Variants in SAMHD1 observed in about 807,000 individuals in gnomAD.
SAMHD1 encodes SAM and HD domain containing deoxynucleoside triphosphate triphosphohydrolase 1, also known as deoxynucleoside triphosphate triphosphohydrolase SAMHD1.
In SAMHD1, 54 loss-of-function variants were observed where a neutral mutation model predicts 79.6. That is an observed-to-expected ratio of 0.68 (90% CI 0.55 to 0.85). SAMHD1 has a LOEUF of 0.85. Among genes scored for constraint, SAMHD1 ranks in the 40% least tolerant of loss-of-function variants. SAMHD1 has a pLI of 0.00. For missense variants in SAMHD1, 663 were observed against 782.7 expected (o/e 0.85, Z 1.82); for synonymous variants, 260 against 264.1 (o/e 0.98, Z 0.15).
Position 36,911,285 on chromosome 20 carries a change from A to T in SAMHD1, c.1203T>A (p.Gly401=), listed in dbSNP as rs1391838600. 1 of 1,613,006 alleles carries T rather than the reference A, an allele frequency of 6.2e-7. No individual in the cohort carries two copies. Among genetic ancestry groups the T allele is most frequent in the Non-Finnish European group, 8.5e-7 (1 of 1,179,952 alleles). ...LKADDYIEIT[G]AGGKKYRIST... is the part of the protein sequence containing the mutation. ...AAATGCGATACTTTTTTCCTCCAGC[A>T]CCTGTAATCTCTATGTAGTCATCTG... The change falls in exon 11 of 16, where the codon GGT becomes GGA. Residue 401 remains glycine, a synonymous_variant. Transcript: ENST00000646673.
intron 1 of SAMHD1, among the ~76,000 whole-genome samples, chr20:36,950,044 T>C (rs2063723242): frequency 6.6e-6 from 1 of 151,996 alleles, no homozygotes; most frequent in Admixed American, 6.6e-5. Context: ...CGAATAAAGT[T>C]TGGTCAAGAC....
At chr20:36,896,458 C>T (rs1990199751) in intron 15 of SAMHD1, among the ~76,000 whole-genome samples, 1 of 152,106 alleles carries the variant, frequency 6.6e-6, no homozygotes, top group Admixed American at 6.6e-5. Context: ...CCCCACTGTA[C>T]AGAGAAAAAA....
At position 36,951,622 on chromosome 20, in the gene SAMHD1, G is replaced by A; in HGVS notation, c.22C>T (p.Gln8Ter). The change falls in exon 1 of 16, where the codon CAG (glutamine) becomes TAG (stop). Residue 8 changes from glutamine to a stop codon, truncating the protein, a stop_gained. Transcript: ENST00000646673. LOFTEE classifies it high-confidence loss of function. MQRADSE[Q>*]PSKRPRCDDS... ...TCGCAACGGGGACGCTTGGAGGGCT[G>A]CTCGGAATCGGCTCGCTGCATGGCT... 6.2e-7 allele frequency: 1 copy of A among 1,613,924 alleles called. No individual in the cohort carries two copies. The highest frequency in any genetic ancestry group is 1.1e-5 in the South Asian group (1 of 91,082).
In SAMHD1 at chr20:36,900,372, A is replaced by G. The variant is rs1470489812; in HGVS notation, c.1504-1828T>C. ...GTGATTCTCCTGCCTCAGCCTCCTA[A>G]GTAGCTGGGATTACAGGTATGCACC... On this transcript the variant is annotated intron_variant, in intron 13 of 15. Coordinates refer to ENST00000646673, the MANE Select transcript of SAMHD1 (RefSeq NM_015474.4). 1.3e-5 allele frequency among the ~76,000 whole-genome samples: 2 copies of G among 150,510 alleles called. 1 individual carries two copies. The highest frequency in any genetic ancestry group is 1.3e-4 in the Admixed American group (2 of 15,016).
intron 11 of SAMHD1, among the ~76,000 whole-genome samples, chr20:36,907,932 G>A (rs1405147344): frequency 3.3e-5 from 5 of 150,936 alleles, no homozygotes; most frequent in South Asian, 2.1e-4. Context: ...CTGGAATACA[G>A]TGATGCCATC....
In SAMHD1 at chr20:36,944,094, AAAAG is replaced by A. The variant is rs1293236480; in HGVS notation, c.275+2640_275+2643del. Among the ~76,000 whole-genome samples, 50 of 122,852 alleles carry A rather than the reference AAAAG, an allele frequency of 4.1e-4. 1 individual carries two copies. Among genetic ancestry groups the A allele is most frequent in the Non-Finnish European group, 7.1e-4 (37 of 51,802 alleles). The allele number at this position is 122,852 out of a possible 152,430, so 80.6% of individuals were successfully genotyped here. On this transcript the variant is annotated intron_variant, in intron 2 of 15. Coordinates refer to ENST00000646673, the MANE Select transcript of SAMHD1 (RefSeq NM_015474.4). ...CTCCATCTCAAAAAAAAAAAAAAAA[AAAAG>A]AACTTTGGGAGGCCTGAGGCGGGCA...
chr20:36,903,425 T>C (rs75729091), intron 13 of SAMHD1, among the ~76,000 whole-genome samples: 14 of 148,990 alleles, frequency 9.4e-5, no homozygotes, highest in Non-Finnish European at 1.9e-4. Context: ...TTTTTAGTAG[T>C]GATGGGGGTT....
intron 4 of SAMHD1, among the ~76,000 whole-genome samples, chr20:36,933,549 G>T (rs975394902): frequency 2.0e-5 from 3 of 152,034 alleles, no homozygotes; most frequent in Non-Finnish European, 4.4e-5. Context: ...CCAGGCTGGA[G>T]TGCAATGGTG....
rs544960593 is a variant in SAMHD1 at position 36,897,609 on chromosome 20, T to C, written c.1746+213A>G. 1.5e-4 allele frequency: 89 copies of C among 611,390 alleles called. 1 individual carries two copies. The East Asian group carries it at 2.3e-3, about 16-fold the overall frequency. 37.9% of individuals were successfully genotyped at this position (611,390 alleles called of 1,614,324 possible). A position where few individuals can be genotyped will look rare whatever the true frequency, so the allele number is the denominator to read the frequency against. ...ATTTTTATTATTAGGACAATAATGCTAAACAGTATCCATTCCCAACTCCTG... is the reference window on the plus strand; with the variant it reads ...ATTTTTATTATTAGGACAATAATGCCAAACAGTATCCATTCCCAACTCCTG... On this transcript the variant is annotated intron_variant, in intron 15 of 15. Coordinates refer to ENST00000646673, the MANE Select transcript of SAMHD1 (RefSeq NM_015474.4).
At chr20:36,931,031 C>A (rs2063565184) in intron 4 of SAMHD1, 156 bp from the exon 5 acceptor site, 2 of 666,462 alleles carry the variant, frequency 3.0e-6, no homozygotes, top group Non-Finnish European at 5.5e-6. Context: ...GGAACACACA[C>A]AAACGGAATC....
intron 6 of SAMHD1, chr20:36,926,810 C>T: frequency 5.9e-6 from 1 of 170,080 alleles, no homozygotes; most frequent in Non-Finnish European, 1.3e-5. Context: ...GTGGTCATAC[C>T]AAATGTGTCA....
intron 3 of SAMHD1, among the ~76,000 whole-genome samples, chr20:36,938,872 C>A (rs1239310380): frequency 2.0e-5 from 3 of 150,882 alleles, no homozygotes; most frequent in Non-Finnish European, 4.4e-5. Flanking sequence ...AAAACAACAA[C>A]AAAACATTAT....
intron 1 of SAMHD1, 65 bp downstream of exon 1, chr20:36,951,371 T>G: frequency 6.2e-7 from 1 of 1,602,598 alleles, no homozygotes; most frequent in South Asian, 1.1e-5. Context: ...GCCCCCTCCC[T>G]CAGGGCGCCT....
At chr20:36,949,191 G>C (rs1048800770) in intron 1 of SAMHD1, among the ~76,000 whole-genome samples, 2 of 151,778 alleles carry the variant, frequency 1.3e-5, no homozygotes, top group Non-Finnish European at 2.9e-5. Context: ...TTGAACCCGA[G>C]AGGCAGAGGT....
chr20:36,930,184 C>T (rs1287592263), intron 5 of SAMHD1, among the ~76,000 whole-genome samples: 2 of 151,826 alleles, frequency 1.3e-5, no homozygotes, highest in African/African-American at 2.4e-5. Flanking sequence ...TAGCAAAAAG[C>T]CCTTTCATAT....
chr20:36,902,051 G>A (rs755791803), intron 13 of SAMHD1, among the ~76,000 whole-genome samples: 7 of 152,128 alleles, frequency 4.6e-5, no homozygotes, highest in African/African-American at 1.2e-4. Context: ...GCTACCTAAT[G>A]GCCTATAGTT....
intron 4 of SAMHD1, among the ~76,000 whole-genome samples, chr20:36,933,225 A>G (rs2063578722): frequency 2.0e-5 from 3 of 152,206 alleles, no homozygotes; most frequent in Admixed American, 6.5e-5. Flanking sequence ...TGAAAATCTC[A>G]AAGACTGTCT....
intron 2 of SAMHD1, among the ~76,000 whole-genome samples, chr20:36,943,240 C>A (rs2063660361): frequency 1.3e-5 from 2 of 152,190 alleles, no homozygotes; most frequent in Non-Finnish European, 2.9e-5. Context: ...GCTAATCCCA[C>A]TGGCAACCTG....
Position 36,897,602 on chromosome 20 carries a change from A to G in SAMHD1, c.1746+220T>C, listed in dbSNP as rs143585349. ...TGTTCACATTTTTATTATTAGGACA[A>G]TAATGCTAAACAGTATCCATTCCCA... On this transcript the variant is annotated intron_variant, in intron 15 of 15. Coordinates refer to ENST00000646673, the MANE Select transcript of SAMHD1 (RefSeq NM_015474.4). 411 of 596,002 alleles carry G rather than the reference A, an allele frequency of 6.9e-4. 4 individuals are homozygous for G. The African/African-American group carries it at 7.0e-3, about 10-fold the overall frequency. The allele number at this position is 596,002 out of a possible 1,614,324, so 36.9% of individuals were successfully genotyped here.
Sources: gnomAD v4.1 joint callset for allele counts (sites outside exome capture counted in the v4.1 genomes callset) on GRCh38, gnomAD v4.1.1 for gene constraint, MANE v1.5 for transcripts, NCBI Gene and HGNC (gene_info 2026-07-23, HGNC 2026-07-21) for gene names.